Variants in NKAIN3 observed in about 807,000 individuals in gnomAD.
NKAIN3 encodes sodium/potassium-transporting ATPase subunit beta-1-interacting protein 3.
NKAIN3 carries 25 observed loss-of-function variants against 30.2 expected under a neutral mutation model. The ratio of observed to expected loss-of-function variants is 0.83; its 90% CI spans 0.60 to 1.16. NKAIN3 has a LOEUF of 1.16. NKAIN3 is among the 50% of genes most tolerant of loss of function. The pLI, the probability that NKAIN3 is intolerant of heterozygous loss-of-function variation, is 0.00. For missense variants in NKAIN3, 225 were observed against 254.1 expected (o/e 0.89, Z 0.78); for synonymous variants, 91 against 89.6 (o/e 1.02, Z -0.09).
chr8:62,813,772 T>C (rs1258313603), intron 4 of NKAIN3, among the ~76,000 whole-genome samples: 2 of 152,038 alleles, frequency 1.3e-5, no homozygotes, highest in Non-Finnish European at 2.9e-5. Context: ...CACGTTTTCA[T>C]GAGAGTAGAC....
In NKAIN3 at chr8:62,608,907, G is replaced by A. The variant is rs114173173; in HGVS notation, c.273+19113G>A. Reference sequence around the variant, plus strand: ...AATGATTTAGAAATAGCTATGCTATGGACAATAAAATCATGGTTTTCTGTG... The same window carrying A: ...AATGATTTAGAAATAGCTATGCTATAGACAATAAAATCATGGTTTTCTGTG... On this transcript the variant is annotated intron_variant, in intron 3 of 6. Transcript: ENST00000623646. 1.5e-3 allele frequency among the ~76,000 whole-genome samples: 235 copies of A among 152,156 alleles called. 1 individual carries two copies. Among genetic ancestry groups the A allele is most frequent in the African/African-American group, 4.2e-3 (176 of 41,524 alleles).
intron 1 of NKAIN3, among the ~76,000 whole-genome samples, chr8:62,398,575 G>A (rs1468281043): frequency 6.6e-6 from 1 of 152,180 alleles, no homozygotes; most frequent in African/African-American, 2.4e-5. Flanking sequence ...AAGTTTCCAA[G>A]TGAGAATGGT....
chr8:62,741,400 AAG>A (rs1815875338), intron 3 of NKAIN3, among the ~76,000 whole-genome samples: 1 of 147,278 alleles, frequency 6.8e-6, no homozygotes, highest in South Asian at 2.1e-4. Flanking sequence ...GGAAGGAAGG[AAG>A]GAAGGAAGGA....
intron 4 of NKAIN3, among the ~76,000 whole-genome samples, chr8:62,802,284 C>A (rs1360289930): frequency 6.6e-6 from 1 of 152,086 alleles, no homozygotes; most frequent in Admixed American, 6.6e-5. Flanking sequence ...CAAAGATACT[C>A]CTCGAGAAGA....
intron 1 of NKAIN3, among the ~76,000 whole-genome samples, chr8:62,559,122 G>T (rs1205518606): frequency 6.6e-6 from 1 of 151,932 alleles, no homozygotes; most frequent in Non-Finnish European, 1.5e-5. Flanking sequence ...TATAGAAATT[G>T]AAAAGAATAT....
Position 62,737,228 on chromosome 8 carries a change from A to AT in NKAIN3, c.274-9698dup, listed in dbSNP as rs764922573. 8.4e-4 allele frequency among the ~76,000 whole-genome samples: 128 copies of AT among 152,202 alleles called. 1 individual carries two copies. Among genetic ancestry groups the AT allele is most frequent in the Middle Eastern group, 6.8e-3 (2 of 294 alleles). On this transcript the variant is annotated intron_variant, in intron 3 of 6. Coordinates refer to ENST00000623646, the MANE Select transcript of NKAIN3 (RefSeq NM_001304533.3). ...AAGTTAGTTGTGCCTGCTGTCTGCCATTTTTTCCTGCCAACCTCTCAAAAT... is the reference window on the plus strand; with the variant it reads ...AAGTTAGTTGTGCCTGCTGTCTGCCATTTTTTTCCTGCCAACCTCTCAAAAT...
chr8:62,537,630 A>G (rs907122158), intron 1 of NKAIN3, among the ~76,000 whole-genome samples: 7 of 151,956 alleles, frequency 4.6e-5, no homozygotes, highest in Non-Finnish European at 5.9e-5. Flanking sequence ...ATTTTGTTAT[A>G]TCTAGTAATG....
intron 4 of NKAIN3, among the ~76,000 whole-genome samples, chr8:62,758,199 C>A (rs770945621): frequency 2.0e-5 from 3 of 151,996 alleles, no homozygotes; most frequent in Non-Finnish European, 4.4e-5. Context: ...AAAAAAAACT[C>A]ACGGAAAACA....
At chr8:62,853,504 A>G (rs1021258839) in intron 4 of NKAIN3, among the ~76,000 whole-genome samples, 1 of 152,110 alleles carries the variant, frequency 6.6e-6, no homozygotes, top group Non-Finnish European at 1.5e-5. Context: ...AAAGGTGTTT[A>G]CAGTATTCTC....
chr8:62,729,683 G>A (rs972246274), intron 3 of NKAIN3, among the ~76,000 whole-genome samples: 1 of 151,978 alleles, frequency 6.6e-6, no homozygotes, highest in Non-Finnish European at 1.5e-5. Context: ...TTTTCTATAA[G>A]TTGTTTTTGT....
chr8:62,635,677 A>C (rs1356277092), intron 3 of NKAIN3, among the ~76,000 whole-genome samples: 2 of 152,100 alleles, frequency 1.3e-5, no homozygotes, highest in Non-Finnish European at 2.9e-5. Context: ...ATAGAGTGAG[A>C]AGGTGCTGTC....
intron 3 of NKAIN3, among the ~76,000 whole-genome samples, chr8:62,597,846 A>G (rs1439981798): frequency 6.6e-6 from 1 of 151,900 alleles, no homozygotes; most frequent in Non-Finnish European, 1.5e-5. Context: ...ATCTGTTCAA[A>G]TATATATAAT....
chr8:62,892,838 C>T (rs1404057025), intron 4 of NKAIN3, among the ~76,000 whole-genome samples: 1 of 152,062 alleles, frequency 6.6e-6, no homozygotes, highest in Non-Finnish European at 1.5e-5. Flanking sequence ...AAAGGTCAGA[C>T]ACACCAGCAT....
chr8:62,930,327 C>T (rs1421942875), intron 5 of NKAIN3, among the ~76,000 whole-genome samples: 2 of 152,062 alleles, frequency 1.3e-5, no homozygotes, highest in Non-Finnish European at 2.9e-5. Context: ...GATCTTAGCT[C>T]ACTGCAACCT....
chr8:62,851,178 TG>T (rs1307831316), intron 4 of NKAIN3, among the ~76,000 whole-genome samples: 6 of 152,248 alleles, frequency 3.9e-5, no homozygotes, highest in African/African-American at 1.2e-4. Flanking sequence ...TCACATCCCT[TG>T]TAAGTTGGAT....
At chr8:62,644,972 G>A (rs1185051954) in intron 3 of NKAIN3, among the ~76,000 whole-genome samples, 1 of 152,002 alleles carries the variant, frequency 6.6e-6, no homozygotes, top group Non-Finnish European at 1.5e-5. Context: ...TCATTCAATA[G>A]ATTAAAGGAA....
At chr8:62,363,776 A>T (rs1229204235) in intron 1 of NKAIN3, among the ~76,000 whole-genome samples, 1 of 152,198 alleles carries the variant, frequency 6.6e-6, no homozygotes, top group African/African-American at 2.4e-5. Flanking sequence ...CCCCTTGAGC[A>T]ATCTAACATT....
rs186214657 is a variant in NKAIN3, at chr8:62,805,654, C to A, written c.471+58525C>A. Among the ~76,000 whole-genome samples, 875 of 152,110 alleles carry A rather than the reference C, an allele frequency of 5.8e-3. 3 individuals are homozygous for A. The highest frequency in any genetic ancestry group is 0.019 in the African/African-American group (803 of 41,514). On this transcript the variant is annotated intron_variant, in intron 4 of 6. Coordinates refer to ENST00000623646, the MANE Select transcript of NKAIN3 (RefSeq NM_001304533.3). ...TACACCTTATACAAAAATTAATTCACGATGGATTAAAGACTTACATGTTAG... is the reference window on the plus strand; with the variant it reads ...TACACCTTATACAAAAATTAATTCAAGATGGATTAAAGACTTACATGTTAG...
intron 1 of NKAIN3, among the ~76,000 whole-genome samples, chr8:62,567,563 A>G (rs1809796972): frequency 6.6e-6 from 1 of 152,150 alleles, no homozygotes; most frequent in Non-Finnish European, 1.5e-5. Flanking sequence ...GTAATTATAA[A>G]GGTCTTTATA....
Sources: gnomAD v4.1 joint callset for allele counts (sites outside exome capture counted in the v4.1 genomes callset) on GRCh38, gnomAD v4.1.1 for gene constraint, MANE v1.5 for transcripts, NCBI Gene and HGNC (gene_info 2026-07-23, HGNC 2026-07-21) for gene names.